The following DMPK variants were observed in gnomAD, a reference collection of about 807,000 sequenced individuals.
DMPK encodes DM1 protein kinase.
A neutral mutation model predicts 70.3 loss-of-function variants in DMPK; 32 were observed. That is an observed-to-expected ratio of 0.46 (90% CI 0.34 to 0.61). The LOEUF (loss-of-function observed/expected upper bound fraction) is 0.61. Ranked by LOEUF, DMPK falls within the 20% of genes least tolerant of loss-of-function variation. DMPK has a pLI of 0.01. For missense variants in DMPK, 899 were observed against 886.0 expected (o/e 1.01, Z -0.19); for synonymous variants, 469 against 390.9 (o/e 1.20, Z -2.36).
In DMPK at chr19:45,770,191, GTC is replaced by G; in HGVS notation, c.*295_*296del. 3 of 674,300 alleles carry G rather than the reference GTC, an allele frequency of 4.4e-6. No individual in the cohort carries two copies. Among genetic ancestry groups the G allele is most frequent in the Non-Finnish European group, 7.2e-6 (3 of 416,326 alleles). 41.8% of individuals were successfully genotyped at this position (674,300 alleles called of 1,614,324 possible). A position where few individuals can be genotyped will look rare whatever the true frequency, so the allele number is the denominator to read the frequency against. ...TCAGCCTGGCCGAAAGAAAGAAATGGTCTGTGATCCCCCCAGCAGCAGCAGCA... is the reference window on the plus strand; with the variant it reads ...TCAGCCTGGCCGAAAGAAAGAAATGGTGTGATCCCCCCAGCAGCAGCAGCA... On this transcript the variant is annotated 3_prime_UTR_variant, in exon 15 of 15. Transcript: ENST00000291270.
chr19:45,770,576 G>A lies in DMPK; in HGVS notation c.1802C>T (p.Ala601Val), dbSNP rs1227135382. 3 of 1,551,810 alleles carry A rather than the reference G, an allele frequency of 1.9e-6. No homozygotes were observed. Among genetic ancestry groups the A allele is most frequent in the Non-Finnish European group, 2.6e-6 (3 of 1,147,632 alleles). ...LLLFAVVLSR[A>V]AALGCIGLVA... The stretch of plus-strand genomic sequence containing the variant: ...CAACCCAATGCAGCCCAGGGCGGCG[G>A]CACGAGACAGAACAACGGCGAACAG... Residue 601 changes from alanine to valine, a missense_variant, in exon 15 of 15, where the codon GCC (alanine) becomes GTC (valine). Transcript: ENST00000291270.
In DMPK at chr19:45,770,041, G is replaced by A. The variant is rs1969242219; in HGVS notation, c.*447C>T. ...CGCCAGACGCTCCCCAGAGCAGGGCGTCATGCACAAGAAAGCTTTGCACTT... is the reference window on the plus strand; with the variant it reads ...CGCCAGACGCTCCCCAGAGCAGGGCATCATGCACAAGAAAGCTTTGCACTT... On this transcript the variant is annotated 3_prime_UTR_variant, in exon 15 of 15. Coordinates refer to ENST00000291270, the MANE Select transcript of DMPK (RefSeq NM_004409.5). The A allele has an allele frequency of 5.6e-5, 24 of 430,768 alleles. 1 individual carries two copies. Among genetic ancestry groups the A allele is most frequent in the Non-Finnish European group, 5.7e-5 (13 of 228,344 alleles). The allele number at this position is 430,768 out of a possible 1,614,324, so 26.7% of individuals were successfully genotyped here.
chr19:45,774,987 C>G lies in DMPK; in HGVS notation c.1194G>C (p.Leu398=), dbSNP rs767470857. The part of the protein sequence containing the change: ...IREGAPLGVH[L]PFVGYSYSCM... Reference sequence around the variant, plus strand: ...AGGAGTAGGAGTAGCCCACAAAAGGCAGGTGGACCCCTAGCGGCGCACCTT... The same window carrying G: ...AGGAGTAGGAGTAGCCCACAAAAGGGAGGTGGACCCCTAGCGGCGCACCTT... The change falls in exon 9 of 15, where the codon CTG becomes CTC. Residue 398 remains leucine, a synonymous_variant. Coordinates refer to ENST00000291270, the MANE Select transcript of DMPK (RefSeq NM_004409.5). The G allele has an allele frequency of 2.0e-5, 32 of 1,613,880 alleles. 1 individual carries two copies. The highest frequency in any genetic ancestry group is 2.6e-5 in the Non-Finnish European group (31 of 1,179,994).
rs146376068 is a variant in DMPK at position 45,778,622 on chromosome 19, T to C, written c.452A>G (p.Tyr151Cys). 11 of 1,613,626 alleles carry C rather than the reference T, an allele frequency of 6.8e-6. No individual in the cohort carries two copies. In the African/African-American group the frequency reaches 1.3e-4, roughly 20 times the overall value. ...CAGTGTCAGCAGGTCCCCGCCCACG[T>C]AATACTCCATGACCAGGTACTGAGA... ...ENYLYLVMEY[Y>C]VGGDLLTLLS... The change falls in exon 5 of 15, where the codon TAC becomes TGC. Residue 151 changes from tyrosine (Y) to cysteine (C), a missense_variant. Physicochemically the swap from Tyr to Cys is radical, Grantham distance 194 (BLOSUM62 -2). Transcript: ENST00000291270.
chr19:45,781,236 A>C (rs183273843), intron 1 of DMPK, among the ~76,000 whole-genome samples: 2 of 152,328 alleles, frequency 1.3e-5, no homozygotes, highest in African/African-American at 4.8e-5. Flanking sequence ...CCAGTCACTG[A>C]GGGCCAGACA....
chr19:45,771,981 A>G (rs1457159041), intron 10 of DMPK, 53 bp from the exon 11 acceptor site: 8 of 1,496,330 alleles, frequency 5.3e-6, no homozygotes. Flanking sequence ...AAGACTCAGG[A>G]CTTGGGCACT....
intron 10 of DMPK, 55 bp downstream of exon 10, chr19:45,772,586 T>A: frequency 8.0e-7 from 1 of 1,247,738 alleles, no homozygotes; most frequent in South Asian, 1.4e-5. Flanking sequence ...CGGGAAGCCC[T>A]CACCTTTTCT....
At chr19:45,776,133 TA>T (rs1484030766) in intron 8 of DMPK, among the ~76,000 whole-genome samples, 1 of 83,324 alleles carries the variant, frequency 1.2e-5, no homozygotes, top group East Asian at 4.7e-4. Flanking sequence ...CGGTCCAGCC[TA>T]TTTTTTTTTT....
intron 13 of DMPK, 116 bp from the exon 14 acceptor site, chr19:45,771,176 G>C (rs576172432): frequency 5.4e-5 from 63 of 1,176,300 alleles, no homozygotes; most frequent in Non-Finnish European, 7.0e-5. Context: ...ATCCCGGAGG[G>C]AATCTGGTGA....
rs368519758 is a variant in DMPK, at chr19:45,771,550, G to A, written c.1600+18C>T. 4 of 1,613,712 alleles carry A rather than the reference G, an allele frequency of 2.5e-6. No homozygotes were observed. In the Admixed American group the frequency reaches 6.7e-5, roughly 27 times the overall value. On this transcript the variant is annotated intron_variant, in intron 12 of 14. Transcript: ENST00000291270. ...CTCCTCCCGGTCCTCCGGGGAAGGG[G>A]ACACATGAGGGACTCACCTGTGGCT...
Position 45,777,847 on chromosome 19 carries a change from G to A in DMPK, c.702C>T (p.Thr234=), listed in dbSNP as rs1196133995. The A allele has an allele frequency of 1.2e-6, 2 of 1,610,294 alleles. No homozygotes were observed. The highest frequency in any genetic ancestry group is 1.1e-5 in the South Asian group (1 of 91,058). Residue 234 remains threonine, a synonymous_variant, in exon 7 of 15, where the codon ACC becomes ACT. Coordinates refer to ENST00000291270, the MANE Select transcript of DMPK (RefSeq NM_004409.5). This position sits in a 1 kb window ranked among gnomAD's most constrained non-coding sequence, Gnocchi z 6.7. ...GGATCTCGGGGGACAGGTAGTCTGGGGTGCCCACAGCCACCAGCGACCGCA... is the reference window on the plus strand; with the variant it reads ...GGATCTCGGGGGACAGGTAGTCTGGAGTGCCCACAGCCACCAGCGACCGCA... ...GTVRSLVAVG[T]PDYLSPEILQ...
At chr19:45,778,445 C>T in intron 5 of DMPK, 48 bp downstream of exon 5, 1 of 1,597,852 alleles carries the variant, frequency 6.3e-7, no homozygotes. Flanking sequence ...CTTCCAAGAA[C>T]CCGGCCAGGG....
chr19:45,772,576 C>T lies in DMPK; in HGVS notation c.1344+65G>A, dbSNP rs1052811026. The T allele has an allele frequency of 5.3e-5, 58 of 1,088,288 alleles. 1 individual carries two copies. The highest frequency in any genetic ancestry group is 2.8e-4 in the South Asian group (18 of 63,830). 67.4% of individuals were successfully genotyped at this position (1,088,288 alleles called of 1,614,324 possible). ...AGAGGGCTCTACAGTGCACGCCACC[C>T]GGGAAGCCCTCACCTTTTCTCTCCC... On this transcript the variant is annotated intron_variant, in intron 10 of 14. Coordinates refer to ENST00000291270, the MANE Select transcript of DMPK (RefSeq NM_004409.5).
Position 45,769,830 on chromosome 19 carries a change from TG to T in DMPK, c.*657del, listed in dbSNP as rs1332360163. 2 of 218,424 alleles carry T rather than the reference TG, an allele frequency of 9.2e-6. No individual in the cohort carries two copies. The highest frequency in any genetic ancestry group is 1.3e-4 in the East Asian group (1 of 7,482). 13.5% of individuals were successfully genotyped at this position (218,424 alleles called of 1,614,324 possible). On this transcript the variant is annotated 3_prime_UTR_variant, in exon 15 of 15. Transcript: ENST00000291270. ...GTCTCAGTGCATCCAAAACGTGGAT[TG>T]GGGTTGTTGGGGGTCCTGTAGCCTG...
At chr19:45,776,999 A>G (rs1457308022) in intron 8 of DMPK, 3 of 293,330 alleles carry the variant, frequency 1.0e-5, no homozygotes, top group East Asian at 6.0e-5. Context: ...CCTGCTTCTC[A>G]TCCCTCCAAG....
At chr19:45,771,486 C>G in intron 12 of DMPK, 82 bp downstream of exon 12, 1 of 1,610,286 alleles carries the variant, frequency 6.2e-7, no homozygotes. Context: ...CTTCCCTCCT[C>G]CAGGTGTCTA....
rs1969865085 is a variant in DMPK at position 45,777,845 on chromosome 19, G to C, written c.704C>G (p.Pro235Arg). 6.2e-7 allele frequency: 1 copy of C among 1,610,508 alleles called. No homozygotes were observed. ...CAGGATCTCGGGGGACAGGTAGTCT[G>C]GGGTGCCCACAGCCACCAGCGACCG... is the stretch of plus-strand genomic sequence containing the variant. ...TVRSLVAVGT[P>R]DYLSPEILQA... The change falls in exon 7 of 15, where the codon CCA becomes CGA. Residue 235 changes from proline (P) to arginine (R), a missense_variant. Physicochemically the swap from Pro to Arg is moderately radical, Grantham distance 103 (BLOSUM62 -2). Coordinates refer to ENST00000291270, the MANE Select transcript of DMPK (RefSeq NM_004409.5). The surrounding 1 kb of genome is among the most constrained non-coding windows in gnomAD (Gnocchi z 6.7).
rs1486293496 is a variant in DMPK at position 45,777,140 on chromosome 19, T to G, written c.1146+187A>C. On this transcript the variant is annotated intron_variant, in intron 8 of 14. Transcript: ENST00000291270. The surrounding 1 kb of genome is among the most constrained non-coding windows in gnomAD (Gnocchi z 6.7). ...TGGGGCCTTACTGTCTGAAGACTGC[T>G]CTGTGTTCCCCCACTGGACTGTAAG... 7.5e-6 allele frequency: 6 copies of G among 798,610 alleles called. No homozygotes were observed. The highest frequency in any genetic ancestry group is 1.1e-5 in the Non-Finnish European group (6 of 529,516). 49.5% of individuals were successfully genotyped at this position (798,610 alleles called of 1,614,324 possible).
intron 1 of DMPK, among the ~76,000 whole-genome samples, chr19:45,781,308 T>G (rs1429550155): frequency 6.6e-6 from 1 of 151,884 alleles, no homozygotes; most frequent in Non-Finnish European, 1.5e-5. Context: ...TGAGCCCGAG[T>G]CCTGGGCTTG....
Sources: allele counts gnomAD v4.1 joint callset (sites outside exome capture counted in the v4.1 genomes callset), GRCh38; gene constraint gnomAD v4.1.1; non-coding constraint Gnocchi (gnomAD v3.1); transcripts MANE v1.5; gene names NCBI Gene and HGNC (gene_info 2026-07-23, HGNC 2026-07-21).